Variants in FGF14 observed in about 807,000 individuals in gnomAD.
The protein encoded by FGF14 is fibroblast growth factor homologous factor 4.
FGF14 carries 5 observed loss-of-function variants against 25.5 expected under a neutral mutation model. The ratio of observed to expected loss-of-function variants is 0.20; its 90% CI spans 0.10 to 0.41. The LOEUF (loss-of-function observed/expected upper bound fraction) is 0.41, where lower values mean the gene tolerates loss of function less well. FGF14 is among the 10% of genes least tolerant of loss of function. The probability of loss-of-function intolerance (pLI) is 1.00; values close to 1 mark genes in which losing one functional copy is unlikely to be tolerated. For missense variants in FGF14, 222 were observed against 320.1 expected (o/e 0.69, Z 2.34); for synonymous variants, 138 against 118.3 (o/e 1.17, Z -1.08).
chr13:102,112,344 C>T (rs624567), intron 1 of FGF14, among the ~76,000 whole-genome samples: 80,566 of 151,756 alleles, frequency 0.53, 22,742 homozygotes, highest in East Asian at 0.75. Context: ...CTCAGGTCCC[C>T]CGCCTTCTCC....
chr13:102,354,747 G>T (rs1322942374), intron 1 of FGF14, among the ~76,000 whole-genome samples: 2 of 152,038 alleles, frequency 1.3e-5, no homozygotes, highest in African/African-American at 4.8e-5. Flanking sequence ...GATACTTTTG[G>T]TTCACAACTT....
chr13:101,766,184 A>C (rs2038380135), intron 3 of FGF14, among the ~76,000 whole-genome samples: 1 of 152,234 alleles, frequency 6.6e-6, no homozygotes, highest in Non-Finnish European at 1.5e-5. Flanking sequence ...CAGGTGCAAG[A>C]TATTTGATGT....
chr13:102,183,306 A>T (rs2048749677), intron 1 of FGF14, among the ~76,000 whole-genome samples: 1 of 152,160 alleles, frequency 6.6e-6, no homozygotes, highest in Admixed American at 6.6e-5. Flanking sequence ...GTTTTCTACG[A>T]GTTCAAAACA....
At chr13:101,886,291 A>G (rs756474697) in intron 1 of FGF14, among the ~76,000 whole-genome samples, 7 of 152,172 alleles carry the variant, frequency 4.6e-5, no homozygotes, top group Non-Finnish European at 8.8e-5. Flanking sequence ...ACTTCAAAAT[A>G]TACTACAAAG....
chr13:102,116,451 T>C (rs1055516779), intron 1 of FGF14, among the ~76,000 whole-genome samples: 8 of 152,168 alleles, frequency 5.3e-5, no homozygotes, highest in Admixed American at 3.9e-4. Context: ...TATAATCATA[T>C]GTATAACATA....
intron 1 of FGF14, among the ~76,000 whole-genome samples, chr13:102,383,052 T>G (rs1375647702): frequency 2.0e-5 from 3 of 152,136 alleles, no homozygotes; most frequent in African/African-American, 7.2e-5. Context: ...TATGTGAATA[T>G]ACTAAAAACT....
intron 1 of FGF14, among the ~76,000 whole-genome samples, chr13:102,290,973 A>C (rs1394079977): frequency 2.0e-5 from 3 of 152,226 alleles, no homozygotes; most frequent in African/African-American, 4.8e-5. Flanking sequence ...GGAGCATAAG[A>C]TGTTGCAGAA....
At chr13:101,937,611 T>C (rs140765802) in intron 1 of FGF14, among the ~76,000 whole-genome samples, 279 of 152,272 alleles carry the variant, frequency 1.8e-3, no homozygotes, top group African/African-American at 6.5e-3. Context: ...TTTGTTTGTT[T>C]TTGAGAAGGA....
At chr13:102,213,054 G>A (rs912693740) in intron 1 of FGF14, among the ~76,000 whole-genome samples, 7 of 152,160 alleles carry the variant, frequency 4.6e-5, no homozygotes, top group African/African-American at 1.7e-4. Context: ...CACCTTGAAA[G>A]AAATAACAAA....
chr13:102,158,036 G>T (rs2047431735), intron 1 of FGF14, among the ~76,000 whole-genome samples: 1 of 152,202 alleles, frequency 6.6e-6, no homozygotes, highest in South Asian at 2.1e-4. Context: ...TGCTGGAGAG[G>T]ATGTGGAGAA....
At chr13:102,049,027 T>C (rs192468391) in intron 1 of FGF14, among the ~76,000 whole-genome samples, 8 of 151,982 alleles carry the variant, frequency 5.3e-5, no homozygotes, top group Admixed American at 1.3e-4. Context: ...AAAATTATGA[T>C]ACGAAATAAA....
At chr13:102,233,172 T>C (rs924460611) in intron 1 of FGF14, among the ~76,000 whole-genome samples, 1 of 152,142 alleles carries the variant, frequency 6.6e-6, no homozygotes, top group African/African-American at 2.4e-5. Context: ...CTCACTCTTG[T>C]TGCCCAGGCT....
chr13:102,215,699 A>G (rs1433409114), intron 1 of FGF14, among the ~76,000 whole-genome samples: 1 of 152,230 alleles, frequency 6.6e-6, no homozygotes, highest in Non-Finnish European at 1.5e-5. Context: ...GGCTATTTAT[A>G]TAATTCTGAT....
intron 1 of FGF14, among the ~76,000 whole-genome samples, chr13:102,070,283 C>A (rs1371583126): frequency 6.6e-6 from 1 of 152,110 alleles, no homozygotes; most frequent in Non-Finnish European, 1.5e-5. Context: ...TAAAGGTGGT[C>A]AATATCATTC....
At chr13:102,185,587 G>C (rs1258081116) in intron 1 of FGF14, among the ~76,000 whole-genome samples, 1 of 151,162 alleles carries the variant, frequency 6.6e-6, no homozygotes, top group Non-Finnish European at 1.5e-5. Context: ...GATGAGAAAT[G>C]TATCTCTTAA....
chr13:101,861,606 G>A (rs556189526), intron 3 of FGF14, among the ~76,000 whole-genome samples: 22 of 152,160 alleles, frequency 1.4e-4, no homozygotes, highest in African/African-American at 5.3e-4. Context: ...GGGAGCCTGT[G>A]TGTGTTGTGT....
upstream of FGF14, among the ~76,000 whole-genome samples, chr13:101,917,560 T>C (rs2033660602): frequency 6.6e-6 from 1 of 151,782 alleles, no homozygotes; most frequent in African/African-American, 2.4e-5. Flanking sequence ...ACTGAAACTC[T>C]CAGCAGCGGT....
chr13:101,777,955 A>G (rs1398943205), intron 3 of FGF14, among the ~76,000 whole-genome samples: 1 of 152,040 alleles, frequency 6.6e-6, no homozygotes, highest in African/African-American at 2.4e-5. Context: ...CAAGAGCAAG[A>G]CTCCATCTCA....
intron 1 of FGF14, among the ~76,000 whole-genome samples, chr13:102,152,513 G>A (rs1329637257): frequency 2.0e-5 from 3 of 152,150 alleles, no homozygotes; most frequent in Non-Finnish European, 2.9e-5. Flanking sequence ...TAAAGCCTAC[G>A]CTGGTGACCT....
Sources: gnomAD v4.1 joint callset for allele counts (sites outside exome capture counted in the v4.1 genomes callset) on GRCh38, gnomAD v4.1.1 for gene constraint, MANE v1.5 for transcripts, NCBI Gene and HGNC (gene_info 2026-07-23, HGNC 2026-07-21) for gene names.